The following PCSK5 variants were observed in gnomAD, a reference collection of about 807,000 sequenced individuals.
The protein encoded by PCSK5 is prohormone convertase 5.
Under a neutral mutation model 233.2 loss-of-function variants are expected in PCSK5, and 129 were observed. The observed-to-expected ratio is 0.55, with a 90% CI of 0.48 to 0.64. The LOEUF is 0.64. Ranked by LOEUF, PCSK5 falls within the 30% of genes least tolerant of loss-of-function variation. The pLI, the probability that PCSK5 is intolerant of heterozygous loss-of-function variation, is 0.00. For synonymous variants in PCSK5, 825 were observed against 879.2 expected (o/e 0.94, Z 1.09); for missense variants, 2,076 against 2,430.1 (o/e 0.85, Z 3.06).
chr9:75,989,971 A>G (rs1826695564), intron 3 of PCSK5, among the ~76,000 whole-genome samples: 1 of 152,164 alleles, frequency 6.6e-6, no homozygotes, highest in Non-Finnish European at 1.5e-5. Flanking sequence ...AGCCTTTAAC[A>G]CAGTGCCTGA....
intron 34 of PCSK5, among the ~76,000 whole-genome samples, chr9:76,333,962 C>A (rs2131486913): frequency 6.6e-6 from 1 of 152,182 alleles, no homozygotes; most frequent in East Asian, 1.9e-4. Flanking sequence ...AAGACATACC[C>A]AAAGACTGGG....
intron 36 of PCSK5, 90 bp downstream of exon 36, chr9:76,351,018 G>T: frequency 1.4e-6 from 1 of 697,588 alleles, no homozygotes; most frequent in South Asian, 1.8e-5. Context: ...CAATCAAAAT[G>T]TCCCAAAATT....
At position 76,048,620 on chromosome 9, in the gene PCSK5, A is replaced by G. The variant is rs1829508714; in HGVS notation, c.633-19335A>G. ...ATGGCTGTATTACTTTAGCAAAGTC[A>G]CTTAACCTGCAAGAATTTCCATTTT... is the stretch of plus-strand genomic sequence containing the variant. On this transcript the variant is annotated intron_variant, in intron 5 of 37. Coordinates refer to ENST00000674117, the MANE Select transcript of PCSK5 (RefSeq NM_001372043.1). 2.6e-5 allele frequency among the ~76,000 whole-genome samples: 4 copies of G among 152,236 alleles called. 1 individual carries two copies. Among genetic ancestry groups the G allele is most frequent in the South Asian group, 4.1e-4 (2 of 4,832 alleles).
At chr9:76,322,096 C>T (rs569042956) in intron 31 of PCSK5, among the ~76,000 whole-genome samples, 11 of 151,978 alleles carry the variant, frequency 7.2e-5, no homozygotes, top group Admixed American at 7.2e-4. Flanking sequence ...ATTACAGGCA[C>T]GCTCCACCAC....
At chr9:76,337,405 T>G (rs1469904981) in intron 34 of PCSK5, among the ~76,000 whole-genome samples, 1 of 151,960 alleles carries the variant, frequency 6.6e-6, no homozygotes, top group African/African-American at 2.4e-5. Flanking sequence ...AACTCCTGGC[T>G]TCAAGTCATC....
chr9:76,252,122 C>G (rs960515120), intron 24 of PCSK5, among the ~76,000 whole-genome samples: 3 of 151,748 alleles, frequency 2.0e-5, no homozygotes, highest in African/African-American at 7.3e-5. Flanking sequence ...AAAAACTTAG[C>G]CGGGCATGGT....
At chr9:76,083,763 C>T (rs560353336) in intron 7 of PCSK5, among the ~76,000 whole-genome samples, 2 of 152,352 alleles carry the variant, frequency 1.3e-5, no homozygotes, top group South Asian at 4.1e-4. Flanking sequence ...CACAAGTGAA[C>T]ATACACATAT....
At chr9:76,320,243 G>C (rs539213241) in intron 30 of PCSK5, among the ~76,000 whole-genome samples, 2 of 151,704 alleles carry the variant, frequency 1.3e-5, no homozygotes, top group Non-Finnish European at 2.9e-5. Context: ...TGGCTAACAC[G>C]GTGAAACCCC....
At chr9:76,175,226 GGAATGGAATGA>G (rs754564795) in intron 14 of PCSK5, 97 bp downstream of exon 14, 393 of 827,434 alleles carry the variant, frequency 4.7e-4, no homozygotes, top group African/African-American at 6.2e-4. Flanking sequence ...GGAATGAAAT[GGAATGGAATGA>G]AATGGAATGG....
chr9:75,993,217 C>G (rs1826850513), intron 3 of PCSK5, among the ~76,000 whole-genome samples: 1 of 151,960 alleles, frequency 6.6e-6, no homozygotes, highest in Non-Finnish European at 1.5e-5. Context: ...GTGGCACATT[C>G]TGAGGCAAGC....
chr9:76,224,209 T>C (rs779945735), intron 20 of PCSK5, among the ~76,000 whole-genome samples: 1 of 152,176 alleles, frequency 6.6e-6, no homozygotes, highest in Non-Finnish European at 1.5e-5. Context: ...AGGTTTAAGT[T>C]AGCAGAAAAC....
At chr9:75,896,123 G>T (rs1251969871) in intron 1 of PCSK5, among the ~76,000 whole-genome samples, 1 of 152,156 alleles carries the variant, frequency 6.6e-6, no homozygotes. Flanking sequence ...CCTCAGCCCT[G>T]ACCCCTGCTA....
At chr9:75,938,493 T>C (rs529444958) in intron 2 of PCSK5, among the ~76,000 whole-genome samples, 1 of 152,270 alleles carries the variant, frequency 6.6e-6, no homozygotes, top group Admixed American at 6.5e-5. Flanking sequence ...AATATTGCAA[T>C]AATTACCAAA....
intron 7 of PCSK5, among the ~76,000 whole-genome samples, chr9:76,082,180 G>T (rs961633472): frequency 4.6e-5 from 7 of 152,148 alleles, no homozygotes; most frequent in Non-Finnish European, 8.8e-5. Flanking sequence ...CTTAGGAAAG[G>T]ACAGTTTAAA....
chr9:75,892,787 A>G (rs979825831), intron 1 of PCSK5, among the ~76,000 whole-genome samples: 1 of 152,210 alleles, frequency 6.6e-6, no homozygotes, highest in African/African-American at 2.4e-5. Context: ...CAAGAGCACA[A>G]GATCTTGCTC....
chr9:76,189,664 A>G lies in PCSK5; in HGVS notation c.2544A>G (p.Pro848=). The G allele has an allele frequency of 6.2e-7, 1 of 1,612,956 alleles. No homozygotes were observed. Among genetic ancestry groups the G allele is most frequent in the Non-Finnish European group, 8.5e-7 (1 of 1,178,968 alleles). Residue 848 remains proline (P), a synonymous_variant, in exon 20 of 38, where the codon CCA becomes CCG. Transcript: ENST00000674117. ...TCAGTTGTTTGACGTGCAATGGCCCAGGATTCAAGAACTGTACAAGCTGCC... is the reference window on the plus strand; with the variant it reads ...TCAGTTGTTTGACGTGCAATGGCCCGGGATTCAAGAACTGTACAAGCTGCC... ...CDISCLTCNG[P]GFKNCTSCPS...
chr9:75,990,178 C>G (rs570704989), intron 3 of PCSK5, among the ~76,000 whole-genome samples: 1 of 152,288 alleles, frequency 6.6e-6, no homozygotes, highest in African/African-American at 2.4e-5. Context: ...ACCCTTCTTC[C>G]TTTTCCTGAG....
chr9:76,220,023 G>C (rs1825673315), intron 20 of PCSK5, among the ~76,000 whole-genome samples: 1 of 152,086 alleles, frequency 6.6e-6, no homozygotes, highest in South Asian at 2.1e-4. Flanking sequence ...TGAATAGAGA[G>C]ACTGAGTGCA....
intron 29 of PCSK5, 128 bp from the exon 30 acceptor site, chr9:76,310,528 A>C: frequency 1.9e-6 from 1 of 520,588 alleles, no homozygotes; most frequent in Non-Finnish European, 3.2e-6. Context: ...CATCACTAGC[A>C]AATATTTTGG....
Sources: gnomAD v4.1 joint callset for allele counts (sites outside exome capture counted in the v4.1 genomes callset) on GRCh38, gnomAD v4.1.1 for gene constraint, MANE v1.5 for transcripts, NCBI Gene and HGNC (gene_info 2026-07-23, HGNC 2026-07-21) for gene names.